Variants in DHRSX observed in about 807,000 individuals in gnomAD.
DHRSX encodes the protein polyprenol dehydrogenase.
DHRSX carries 31 observed loss-of-function variants against 34.0 expected under a neutral mutation model. The ratio of observed to expected loss-of-function variants is 0.91; its 90% CI spans 0.69 to 1.23. The LOEUF (loss-of-function observed/expected upper bound fraction) is 1.23, where lower values mean the gene tolerates loss of function less well. Ranked by LOEUF, DHRSX falls within the 50% of genes most tolerant of loss-of-function variation. DHRSX has a pLI of 0.00. For missense variants in DHRSX, 414 were observed against 428.1 expected, an observed-to-expected ratio of 0.97 and a Z score of 0.29; for synonymous variants, 201 against 183.8, an observed-to-expected ratio of 1.09 and a Z score of -0.76.
At chrX:2,312,095 GGTGCTAAA>G (rs1260386801) in intron 3 of DHRSX, among the ~76,000 whole-genome samples, 1 of 152,098 alleles carries the variant, frequency 6.6e-6, no homozygotes, top group Non-Finnish European at 1.5e-5. Context: ...GTCTGCTAAA[GGTGCTAAA>G]GAGAAAGCTT....
intron 5 of DHRSX, among the ~76,000 whole-genome samples, chrX:2,259,641 A>C (rs536975057): frequency 6.6e-6 from 1 of 152,264 alleles, no homozygotes; most frequent in Admixed American, 6.5e-5. Flanking sequence ...TCTGGAGACC[A>C]GAAGTCTGAA....
intron 3 of DHRSX, among the ~76,000 whole-genome samples, chrX:2,298,603 C>T (rs961491663): frequency 0.026 from 488 of 19,124 alleles, 15 homozygotes; most frequent in Admixed American, 0.037. Context: ...CGCGTGTGTA[C>T]ACACACACAC....
chrX:2,494,389 CTATTAT>C (rs1220815611), intron 1 of DHRSX, among the ~76,000 whole-genome samples: 1 of 151,426 alleles, frequency 6.6e-6, no homozygotes, highest in Non-Finnish European at 1.5e-5. Flanking sequence ...GGTTTTTATT[CTATTAT>C]TATTACTTTT....
chrX:2,355,894 C>T lies in DHRSX; in HGVS notation c.286+52851G>A, dbSNP rs190601938. 2.6e-3 allele frequency among the ~76,000 whole-genome samples: 395 copies of T among 149,874 alleles called. 1 individual carries two copies. Among genetic ancestry groups the T allele is most frequent in the African/African-American group, 8.8e-3 (357 of 40,770 alleles). On this transcript the variant is annotated intron_variant, in intron 3 of 6. Transcript: ENST00000334651. ...CACCCAGGCCAACATGGTAAAACCC[C>T]ATCTCTACTAAAAATACAAAATGTA...
At chrX:2,250,747 A>G (rs950369509) in intron 5 of DHRSX, among the ~76,000 whole-genome samples, 1 of 152,060 alleles carries the variant, frequency 6.6e-6, no homozygotes, top group African/African-American at 2.4e-5. Flanking sequence ...GTGACTTAGA[A>G]TGCCTCATCC....
At chrX:2,487,846 G>A (rs1192272868) in intron 1 of DHRSX, 1 of 151,828 alleles carries the variant, frequency 6.6e-6, no homozygotes, top group African/African-American at 2.4e-5. Context: ...TTGGCTAAAA[G>A]GTCTCTTCCC....
At chrX:2,273,376 T>C (rs2041583321) in intron 4 of DHRSX, among the ~76,000 whole-genome samples, 2 of 151,588 alleles carry the variant, frequency 1.3e-5, no homozygotes, top group African/African-American at 2.4e-5. Flanking sequence ...TTAAAAAGAG[T>C]GGAATCGTGT....
intron 3 of DHRSX, 79 bp downstream of exon 3, chrX:2,408,666 C>A: frequency 1.5e-6 from 2 of 1,295,958 alleles, no homozygotes; most frequent in South Asian, 1.3e-5. Flanking sequence ...GTGACTGAAG[C>A]TCAGCCATGA....
chrX:2,248,123 C>A (rs1313011129), intron 5 of DHRSX, among the ~76,000 whole-genome samples: 1 of 152,032 alleles, frequency 6.6e-6, no homozygotes, highest in Non-Finnish European at 1.5e-5. Flanking sequence ...CACAGGGAAA[C>A]ATCACCTCTA....
chrX:2,390,207 G>A (rs1453549360), intron 3 of DHRSX, among the ~76,000 whole-genome samples: 2 of 139,232 alleles, frequency 1.4e-5, no homozygotes, highest in African/African-American at 2.7e-5. Flanking sequence ...GTAATAGCGC[G>A]ATCTCAGCTC....
intron 6 of DHRSX, among the ~76,000 whole-genome samples, chrX:2,242,616 A>C (rs1029911141): frequency 3.3e-5 from 5 of 152,086 alleles, no homozygotes; most frequent in African/African-American, 1.2e-4. Flanking sequence ...GAAGCGGGCC[A>C]AAACCCACAA....
chrX:2,483,762 C>T (rs1257564452), intron 1 of DHRSX, among the ~76,000 whole-genome samples: 3 of 145,948 alleles, frequency 2.1e-5, no homozygotes, highest in Non-Finnish European at 4.5e-5. Context: ...CCAATTGGTG[C>T]CTCGAGAAAA....
chrX:2,495,924 A>G (rs114876266), intron 1 of DHRSX, among the ~76,000 whole-genome samples: 3,722 of 152,254 alleles, frequency 0.024, 144 homozygotes, highest in African/African-American at 0.085. Context: ...GTGAAGAAGC[A>G]GAGGAAGGAG....
At position 2,474,680 on chromosome X, in the gene DHRSX, G is replaced by A. The variant is rs182736541; in HGVS notation, c.109+26137C>T. ...AAGGGACCACTGCTGTGCACACACT[G>A]AAGATGTTCCCTAAGTGTGTGGCTA... On this transcript the variant is annotated intron_variant, in intron 1 of 6. Transcript: ENST00000334651. 1.6e-4 allele frequency among the ~76,000 whole-genome samples: 24 copies of A among 151,616 alleles called. 1 individual carries two copies. Among genetic ancestry groups the A allele is most frequent in the African/African-American group, 5.8e-4 (24 of 41,310 alleles).
At chrX:2,236,761 G>T (rs1292299710) in intron 6 of DHRSX, among the ~76,000 whole-genome samples, 1 of 152,132 alleles carries the variant, frequency 6.6e-6, no homozygotes, top group African/African-American at 2.4e-5. Context: ...GAGCATGGGG[G>T]ACTGGAAGTG....
intron 5 of DHRSX, among the ~76,000 whole-genome samples, chrX:2,249,991 G>A (rs775135747): frequency 2.6e-5 from 4 of 151,666 alleles, no homozygotes; most frequent in East Asian, 2.0e-4. Flanking sequence ...GTGAAACCCC[G>A]TCTCTATTAA....
chrX:2,287,927 CA>C (rs1371729127), intron 4 of DHRSX, among the ~76,000 whole-genome samples: 1 of 152,024 alleles, frequency 6.6e-6, no homozygotes, highest in Non-Finnish European at 1.5e-5. Context: ...AGTAATAACT[CA>C]AAAGATGAAA....
At position 2,432,204 on chromosome X, in the gene DHRSX, T is replaced by A. The variant is rs762491854; in HGVS notation, c.110-6900A>T. Among the ~76,000 whole-genome samples, 75 of 151,050 alleles carry A rather than the reference T, an allele frequency of 5.0e-4. No homozygotes were observed. The East Asian group carries it at 8.8e-3, about 18-fold the overall frequency. On this transcript the variant is annotated intron_variant, in intron 1 of 6. Coordinates refer to ENST00000334651, the MANE Select transcript of DHRSX (RefSeq NM_145177.3). The stretch of plus-strand genomic sequence containing the variant: ...GCCAGACTCCGTCTCAAAAAAAAAA[T>A]TTTTTTTAATTTAAAAAATAAAATA...
At chrX:2,310,590 G>T (rs1602918831) in intron 3 of DHRSX, among the ~76,000 whole-genome samples, 1 of 151,144 alleles carries the variant, frequency 6.6e-6, no homozygotes, top group Non-Finnish European at 1.5e-5. Flanking sequence ...GAGAGAGAGA[G>T]AAAATAAGCA....
Sources: allele counts gnomAD v4.1 joint callset (sites outside exome capture counted in the v4.1 genomes callset), GRCh38; gene constraint gnomAD v4.1.1; transcripts MANE v1.5; gene names NCBI Gene and HGNC (gene_info 2026-07-23, HGNC 2026-07-21).